Variants in KCNAB1 observed in about 807,000 individuals in gnomAD.
KCNAB1 encodes voltage-gated potassium channel subunit beta-1.
In KCNAB1, 35 loss-of-function variants were observed where a neutral mutation model predicts 64.6. That is an observed-to-expected ratio of 0.54 (90% confidence interval 0.41 to 0.72). KCNAB1 has a LOEUF of 0.72. Among genes scored for constraint, KCNAB1 ranks in the 30% least tolerant of loss-of-function variants. The pLI is 0.00. For synonymous variants in KCNAB1, 177 were observed against 183.8 expected (o/e 0.96, Z 0.30); for missense variants, 401 against 512.9 (o/e 0.78, Z 2.11).
chr3:156,438,160 G>A (rs547124288), intron 2 of KCNAB1, among the ~76,000 whole-genome samples: 9 of 152,286 alleles, frequency 5.9e-5, no homozygotes, highest in African/African-American at 2.2e-4. Context: ...CTGGCTTCCT[G>A]TGCAGCTGAA....
At chr3:156,193,207 A>G (rs1255998020) in intron 1 of KCNAB1, among the ~76,000 whole-genome samples, 1 of 152,082 alleles carries the variant, frequency 6.6e-6, no homozygotes, top group Non-Finnish European at 1.5e-5. Context: ...TAATATATAG[A>G]TGGTTCTTAA....
At chr3:156,321,646 C>A (rs12629802) in intron 1 of KCNAB1, among the ~76,000 whole-genome samples, 29,477 of 152,186 alleles carry the variant, frequency 0.19, 2,968 homozygotes, top group Middle Eastern at 0.35. Flanking sequence ...ACCTTTTATA[C>A]AATTTATAAC....
chr3:156,295,920 A>G lies in KCNAB1; in HGVS notation c.276-125696A>G, dbSNP rs187848832. Among the ~76,000 whole-genome samples the G allele has an allele frequency of 6.6e-3, 998 of 152,312 alleles. 1 individual carries two copies. The highest frequency in any genetic ancestry group is 9.7e-3 in the Non-Finnish European group (663 of 68,036). On this transcript the variant is annotated intron_variant, in intron 1 of 13. Coordinates refer to ENST00000490337, the MANE Select transcript of KCNAB1 (RefSeq NM_172160.3). ...TATACAATACGTTATTGTTAATTAT[A>G]GTCAGTCTACTCTGCTATCAAACAT...
intron 8 of KCNAB1, among the ~76,000 whole-genome samples, chr3:156,491,265 A>C (rs115969864): frequency 0.011 from 1,624 of 152,226 alleles, 26 homozygotes; most frequent in East Asian, 0.057. Flanking sequence ...CCAAGAGGAC[A>C]GCCATGCAGC....
intron 1 of KCNAB1, among the ~76,000 whole-genome samples, chr3:156,238,442 AG>A (rs1553827740): frequency 6.7e-6 from 1 of 149,628 alleles, no homozygotes; most frequent in African/African-American, 2.5e-5. Context: ...AAAAAAAAAA[AG>A]GGTTCCCTTT....
At chr3:156,205,260 A>G (rs192292220) in intron 1 of KCNAB1, among the ~76,000 whole-genome samples, 1 of 152,324 alleles carries the variant, frequency 6.6e-6, no homozygotes, top group Admixed American at 6.5e-5. Flanking sequence ...TCAGATAATG[A>G]AAAAAACATT....
intron 1 of KCNAB1, among the ~76,000 whole-genome samples, chr3:156,259,108 A>G (rs1459986566): frequency 6.6e-6 from 1 of 152,224 alleles, no homozygotes; most frequent in Non-Finnish European, 1.5e-5. Flanking sequence ...TTTGGGATCT[A>G]GTGACTCAAT....
At chr3:156,401,833 A>C (rs1461388121) in intron 1 of KCNAB1, among the ~76,000 whole-genome samples, 1 of 152,114 alleles carries the variant, frequency 6.6e-6, no homozygotes, top group Non-Finnish European at 1.5e-5. Flanking sequence ...AGGCAGCATT[A>C]AGAGAAAAGG....
intron 1 of KCNAB1, among the ~76,000 whole-genome samples, chr3:156,211,143 T>C (rs1227860207): frequency 6.6e-6 from 1 of 152,172 alleles, no homozygotes; most frequent in Non-Finnish European, 1.5e-5. Flanking sequence ...TCATCCATGC[T>C]GAGAGAATAT....
Position 156,355,708 on chromosome 3 carries a change from A to G in KCNAB1, c.276-65908A>G, listed in dbSNP as rs765747264. Among the ~76,000 whole-genome samples, 8 of 152,300 alleles carry G rather than the reference A, an allele frequency of 5.3e-5. 1 individual carries two copies. The Middle Eastern group carries it at 0.01, about 194-fold the overall frequency. ...ATCATGTACAGGTTTCTAATACTCA[A>G]CTGCAGCCACTTTTGAGGGACTCGA... On this transcript the variant is annotated intron_variant, in intron 1 of 13. Coordinates refer to ENST00000490337, the MANE Select transcript of KCNAB1 (RefSeq NM_172160.3).
intron 1 of KCNAB1, among the ~76,000 whole-genome samples, chr3:156,175,375 C>T (rs1472589407): frequency 1.3e-5 from 2 of 152,176 alleles, no homozygotes; most frequent in Admixed American, 6.5e-5. Context: ...AATCCCAGCA[C>T]TTTGGGAGGC....
chr3:156,259,461 G>A (rs1382816694), intron 1 of KCNAB1, among the ~76,000 whole-genome samples: 1 of 152,188 alleles, frequency 6.6e-6, no homozygotes, highest in Non-Finnish European at 1.5e-5. Context: ...AGCAAAAGGA[G>A]ATATTTCTTT....
chr3:156,437,927 G>T (rs1716700036), intron 2 of KCNAB1, among the ~76,000 whole-genome samples: 1 of 152,140 alleles, frequency 6.6e-6, no homozygotes, highest in Non-Finnish European at 1.5e-5. Context: ...GGACCTCATA[G>T]AGTTCATTCC....
At chr3:156,460,452 C>T (rs1712818044) in intron 5 of KCNAB1, 1 of 152,286 alleles carries the variant, frequency 6.6e-6, no homozygotes, top group African/African-American at 2.4e-5. Context: ...TCCAACACCT[C>T]CTGTAGCCAA....
In KCNAB1 at chr3:156,312,729, A is replaced by AAAAAAAAAAAAAAAC. The variant is rs1560189800; in HGVS notation, c.276-108885_276-108884insAAAAAAAAAAAACAA. Reference sequence around the variant, plus strand: ...AAAAAAAAAAAAAAAAAAAAAAAAAAAACTCATAATAATGAAATTAGTTCT... The same window carrying AAAAAAAAAAAAAAAC: ...AAAAAAAAAAAAAAAAAAAAAAAAAAAAAAAAAAAAAAAACAACTCATAATAATGAAATTAGTTCT... On this transcript the variant is annotated intron_variant, in intron 1 of 13. Transcript: ENST00000490337. 4.7e-4 allele frequency among the ~76,000 whole-genome samples: 71 copies of AAAAAAAAAAAAAAAC among 150,198 alleles called. 1 individual carries two copies. Among genetic ancestry groups the AAAAAAAAAAAAAAAC allele is most frequent in the Non-Finnish European group, 7.0e-4 (47 of 67,340 alleles).
At chr3:156,300,489 T>A (rs2107986288) in intron 1 of KCNAB1, among the ~76,000 whole-genome samples, 1 of 152,348 alleles carries the variant, frequency 6.6e-6, no homozygotes, top group East Asian at 1.9e-4. Context: ...CTTCTTTCAG[T>A]CACTCAGTGC....
intron 1 of KCNAB1, among the ~76,000 whole-genome samples, chr3:156,319,289 C>G (rs973166657): frequency 6.6e-6 from 1 of 152,160 alleles, no homozygotes; most frequent in South Asian, 2.1e-4. Context: ...CAGCTTTAAG[C>G]ACAAGGTTTA....
chr3:156,225,935 A>G (rs1054397756), intron 1 of KCNAB1, among the ~76,000 whole-genome samples: 8 of 152,362 alleles, frequency 5.3e-5, no homozygotes, highest in Middle Eastern at 6.8e-3. Flanking sequence ...TAGATGACAT[A>G]CAAATGGAAA....
intron 1 of KCNAB1, among the ~76,000 whole-genome samples, chr3:156,214,998 C>A (rs1188000922): frequency 6.6e-6 from 1 of 152,178 alleles, no homozygotes; most frequent in Non-Finnish European, 1.5e-5. Flanking sequence ...AAACCTATTA[C>A]CTATGAGTTA....
Sources: gnomAD v4.1 joint callset for allele counts (sites outside exome capture counted in the v4.1 genomes callset) on GRCh38, gnomAD v4.1.1 for gene constraint, MANE v1.5 for transcripts, NCBI Gene and HGNC (gene_info 2026-07-23, HGNC 2026-07-21) for gene names.